The following FAM210A variants were observed in gnomAD, a reference collection of about 807,000 sequenced individuals.
FAM210A encodes mitochondrial inner membrane scaffold 1.
A neutral mutation model predicts 25.3 loss-of-function variants in FAM210A; 13 were observed. That is an observed-to-expected ratio of 0.51 (90% confidence interval 0.33 to 0.82). FAM210A has a LOEUF of 0.82. FAM210A is among the 40% of genes least tolerant of loss of function. The pLI, the probability that FAM210A is intolerant of heterozygous loss-of-function variation, is 0.02. For synonymous variants in FAM210A, 125 were observed against 118.7 expected, an observed-to-expected ratio of 1.05 and a Z score of -0.35; for missense variants, 319 against 323.2, an observed-to-expected ratio of 0.99 and a Z score of 0.10.
At chr18:13,708,281 TA>T (rs1202187378) in intron 1 of FAM210A, among the ~76,000 whole-genome samples, 2 of 152,224 alleles carry the variant, frequency 1.3e-5, no homozygotes, top group Admixed American at 6.5e-5. Context: ...GGTAAGGTAT[TA>T]GGGGGGTGTC....
intron 1 of FAM210A, among the ~76,000 whole-genome samples, chr18:13,718,976 T>C (rs950726989): frequency 1.3e-5 from 2 of 152,202 alleles, no homozygotes; most frequent in African/African-American, 4.8e-5. Flanking sequence ...AGAGCTCTTG[T>C]ATTCTGGGTC....
rs142774473 is a variant in FAM210A, at chr18:13,723,005, C to T, written c.-29+3324G>A. On this transcript the variant is annotated intron_variant, in intron 1 of 3. Transcript: ENST00000651643. The stretch of plus-strand genomic sequence containing the variant: ...ATCATCCTTTTCTTTTCTCACTTTA[C>T]CCAGTACAGTTAAAAGCAACCAGCC... 3.8e-3 allele frequency among the ~76,000 whole-genome samples: 578 copies of T among 152,142 alleles called. 1 individual carries two copies. The highest frequency in any genetic ancestry group is 0.014 in the African/African-American group (565 of 41,506).
At chr18:13,680,333 T>C (rs1310277431) in intron 2 of FAM210A, among the ~76,000 whole-genome samples, 1 of 152,074 alleles carries the variant, frequency 6.6e-6, no homozygotes, top group Non-Finnish European at 1.5e-5. Flanking sequence ...AACAATTCCA[T>C]AAAATATACA....
intron 1 of FAM210A, among the ~76,000 whole-genome samples, chr18:13,708,086 T>C (rs904161327): frequency 6.6e-6 from 1 of 152,262 alleles, no homozygotes; most frequent in African/African-American, 2.4e-5. Flanking sequence ...CCTACAGTTA[T>C]TGAACTCTTT....
At chr18:13,717,534 T>G (rs2043870667) in intron 1 of FAM210A, among the ~76,000 whole-genome samples, 1 of 151,948 alleles carries the variant, frequency 6.6e-6, no homozygotes, top group Non-Finnish European at 1.5e-5. Context: ...TGGACTTACG[T>G]TGGTCAGCTG....
chr18:13,688,781 G>T (rs991046100), intron 1 of FAM210A, among the ~76,000 whole-genome samples: 1 of 152,242 alleles, frequency 6.6e-6, no homozygotes, highest in Non-Finnish European at 1.5e-5. Flanking sequence ...GGGCCTTGGG[G>T]TTGCAGGCAC....
Position 13,666,247 on chromosome 18 carries a change from G to A in FAM210A, c.*233C>T. 2.0e-6 allele frequency: 1 copy of A among 500,638 alleles called. No individual in the cohort carries two copies. Among genetic ancestry groups the A allele is most frequent in the South Asian group, 2.2e-5 (1 of 44,492 alleles). 31.0% of individuals were successfully genotyped at this position (500,638 alleles called of 1,614,324 possible). A position where few individuals can be genotyped will look rare whatever the true frequency, so the allele number is the denominator to read the frequency against. On this transcript the variant is annotated 3_prime_UTR_variant, in exon 4 of 4. Coordinates refer to ENST00000651643, the MANE Select transcript of FAM210A (RefSeq NM_152352.4). ...TCTGACTTCTAAGACATTAACCACTGCTTAATACTGCTACTGATGGCAAAT... is the reference window on the plus strand; with the variant it reads ...TCTGACTTCTAAGACATTAACCACTACTTAATACTGCTACTGATGGCAAAT...
chr18:13,722,007 G>A (rs1024370250), intron 1 of FAM210A, among the ~76,000 whole-genome samples: 5 of 152,064 alleles, frequency 3.3e-5, no homozygotes, highest in Non-Finnish European at 5.9e-5. Flanking sequence ...CCTCAGTCAG[G>A]GGGTTCTGAG....
chr18:13,698,081 G>T (rs2043709620), intron 1 of FAM210A, among the ~76,000 whole-genome samples: 1 of 152,092 alleles, frequency 6.6e-6, no homozygotes, highest in Admixed American at 6.5e-5. Flanking sequence ...GGCCGGGCGT[G>T]GTGGCTCACG....
At chr18:13,725,860 T>C (rs913445164) in intron 1 of FAM210A, among the ~76,000 whole-genome samples, 5 of 152,190 alleles carry the variant, frequency 3.3e-5, no homozygotes, top group African/African-American at 7.2e-5. Flanking sequence ...AGAAGAGGTA[T>C]AGGCGGTCCC....
At chr18:13,666,779 A>G (rs1266006462) in intron 3 of FAM210A, 66 bp from the exon 4 acceptor site, 1 of 1,411,820 alleles carries the variant, frequency 7.1e-7, no homozygotes, top group East Asian at 2.5e-5. Flanking sequence ...AGCAAAAACA[A>G]GTTAAAATTA....
intron 1 of FAM210A, among the ~76,000 whole-genome samples, chr18:13,699,599 C>G (rs1160351519): frequency 6.6e-6 from 1 of 152,014 alleles, no homozygotes; most frequent in African/African-American, 2.4e-5. Flanking sequence ...TGACATAAAC[C>G]CAGAATCCAC....
intron 2 of FAM210A, among the ~76,000 whole-genome samples, chr18:13,679,801 T>C (rs950728054): frequency 2.0e-5 from 3 of 152,128 alleles, no homozygotes. Context: ...GAAAGTTGCA[T>C]TTTACAGGGG....
Position 13,666,183 on chromosome 18 carries a change from C to A in FAM210A, c.*297G>T, listed in dbSNP as rs538194895. On this transcript the variant is annotated 3_prime_UTR_variant, in exon 4 of 4. Transcript: ENST00000651643. ...TGTGTCAATTACAGCTGCAACAAAA[C>A]AGAAATCAAGTGTGGTTCTGAAGAC... is the stretch of plus-strand genomic sequence containing the variant. 6 of 305,066 alleles carry A rather than the reference C, an allele frequency of 2.0e-5. No homozygotes were observed. In the South Asian group the frequency reaches 2.9e-4, roughly 15 times the overall value. The allele number at this position is 305,066 out of a possible 1,614,324, so 18.9% of individuals were successfully genotyped here.
At chr18:13,716,053 T>C (rs1281928272) in intron 1 of FAM210A, among the ~76,000 whole-genome samples, 2 of 152,254 alleles carry the variant, frequency 1.3e-5, no homozygotes, top group East Asian at 3.8e-4. Flanking sequence ...CTAGTGTGAC[T>C]TAAGTACTAA....
rs369611940 is a variant in FAM210A at position 13,671,977 on chromosome 18, CAAA to C, written c.474-7_474-5del. ...AAAAGGAACGACATTCACTCCTCTACAAAAAAAAAAAAGTAATTTTCATATGTA... is the reference window on the plus strand; with the variant it reads ...AAAAGGAACGACATTCACTCCTCTACAAAAAAAAAGTAATTTTCATATGTA... On this transcript the variant is annotated splice_polypyrimidine_tract_variant and splice_region_variant and intron_variant, in intron 2 of 3. Transcript: ENST00000651643. 3.9e-5 allele frequency: 49 copies of C among 1,251,412 alleles called. No homozygotes were observed. Among genetic ancestry groups the C allele is most frequent in the East Asian group, 8.3e-5 (3 of 36,156 alleles). 77.5% of individuals were successfully genotyped at this position (1,251,412 alleles called of 1,614,324 possible).
intron 1 of FAM210A, among the ~76,000 whole-genome samples, chr18:13,701,980 G>A (rs115293640): frequency 7.0e-4 from 106 of 152,334 alleles, no homozygotes; most frequent in African/African-American, 2.2e-3. Context: ...TTGCCAGTTC[G>A]ATAATTTGGC....
intron 1 of FAM210A, among the ~76,000 whole-genome samples, chr18:13,690,460 G>C (rs1212122974): frequency 1.3e-5 from 2 of 152,212 alleles, no homozygotes; most frequent in East Asian, 1.9e-4. Flanking sequence ...GCCTTCTCAA[G>C]TGGGTCCCTG....
intron 1 of FAM210A, among the ~76,000 whole-genome samples, chr18:13,708,576 C>T (rs2043798248): frequency 1.3e-5 from 2 of 152,186 alleles, no homozygotes; most frequent in South Asian, 2.1e-4. Context: ...ACTCCTATCA[C>T]TCAGGAAATT....
Sources: gnomAD v4.1 joint callset for allele counts (sites outside exome capture counted in the v4.1 genomes callset) on GRCh38, gnomAD v4.1.1 for gene constraint, MANE v1.5 for transcripts, NCBI Gene and HGNC (gene_info 2026-07-23, HGNC 2026-07-21) for gene names.